FGGY: variants seen among roughly 807,000 people sequenced by gnomAD.
The protein encoded by FGGY is FGGY carbohydrate kinase domain containing, also known as FGGY carbohydrate kinase domain-containing protein.
Under a neutral mutation model 71.3 loss-of-function variants are expected in FGGY, and 72 were observed. That is an observed-to-expected ratio of 1.01 (90% confidence interval 0.84 to 1.23). The LOEUF (loss-of-function observed/expected upper bound fraction) is 1.23, where lower values mean the gene tolerates loss of function less well. Ranked by LOEUF, FGGY falls within the 50% of genes most tolerant of loss-of-function variation. The pLI, the probability that FGGY is intolerant of heterozygous loss-of-function variation, is 0.00. For missense variants in FGGY, 668 were observed against 682.3 expected, an observed-to-expected ratio of 0.98 and a Z score of 0.23; for synonymous variants, 251 against 250.3, an observed-to-expected ratio of 1.00 and a Z score of -0.02.
intron 7 of FGGY, among the ~76,000 whole-genome samples, chr1:59,517,410 C>T (rs1423102560): frequency 4.6e-5 from 7 of 150,870 alleles, no homozygotes; most frequent in East Asian, 1.9e-4. Context: ...GGACTACAGG[C>T]GCCCGCCACT....
At chr1:59,653,441 GAT>G in intron 11 of FGGY, among the ~76,000 whole-genome samples, 1 of 152,212 alleles carries the variant, frequency 6.6e-6, no homozygotes, top group Non-Finnish European at 1.5e-5. Context: ...CCAGGTGTGG[GAT>G]ATAGTCTCGT....
At chr1:59,621,016 GC>G (rs2096801239) in intron 9 of FGGY, among the ~76,000 whole-genome samples, 2 of 152,112 alleles carry the variant, frequency 1.3e-5, no homozygotes, top group African/African-American at 4.8e-5. Context: ...TGATCAAGGT[GC>G]TGGCAAATGC....
chr1:59,543,308 T>G (rs1160651783), intron 7 of FGGY, among the ~76,000 whole-genome samples: 1 of 152,188 alleles, frequency 6.6e-6, no homozygotes, highest in East Asian at 1.9e-4. Flanking sequence ...TCCGGTGGTG[T>G]GGGTCACCTT....
At chr1:59,351,217 A>G (rs992858920) in intron 4 of FGGY, among the ~76,000 whole-genome samples, 1 of 151,754 alleles carries the variant, frequency 6.6e-6, no homozygotes, top group Non-Finnish European at 1.5e-5. Flanking sequence ...GACAGAGACT[A>G]TGTCGCCTAC....
At chr1:59,690,621 C>A (rs2097580517) in intron 14 of FGGY, among the ~76,000 whole-genome samples, 3 of 152,132 alleles carry the variant, frequency 2.0e-5, no homozygotes, top group African/African-American at 7.2e-5. Context: ...ATATAAGGGT[C>A]CAAGTCTTAC....
chr1:59,715,706 A>G (rs1022871285), intron 14 of FGGY, among the ~76,000 whole-genome samples: 25 of 152,320 alleles, frequency 1.6e-4, no homozygotes, highest in African/African-American at 5.8e-4. Context: ...TCCATTATAT[A>G]CACAACAGCC....
chr1:59,434,737 C>G (rs932163034), intron 5 of FGGY, among the ~76,000 whole-genome samples: 9 of 152,094 alleles, frequency 5.9e-5, no homozygotes, highest in South Asian at 2.1e-4. Flanking sequence ...TTTCTGGGAT[C>G]CATTTTACAA....
At chr1:59,374,665 C>G (rs1159740007) in intron 4 of FGGY, among the ~76,000 whole-genome samples, 2 of 152,092 alleles carry the variant, frequency 1.3e-5, no homozygotes, top group African/African-American at 4.8e-5. Flanking sequence ...AAATGTCCAA[C>G]AATGATAGAC....
intron 6 of FGGY, among the ~76,000 whole-genome samples, chr1:59,500,932 G>A (rs2094205882): frequency 6.6e-6 from 1 of 152,176 alleles, no homozygotes; most frequent in South Asian, 2.1e-4. Context: ...TGGTTGGGAA[G>A]TGAAAAATTT....
chr1:59,445,777 A>T (rs2071095775), intron 5 of FGGY, among the ~76,000 whole-genome samples: 1 of 152,234 alleles, frequency 6.6e-6, no homozygotes, highest in Non-Finnish European at 1.5e-5. Context: ...ACGAGAAATT[A>T]AATACCTCAA....
intron 10 of FGGY, among the ~76,000 whole-genome samples, chr1:59,627,719 G>T (rs1197441881): frequency 6.6e-6 from 1 of 151,766 alleles, no homozygotes; most frequent in Non-Finnish European, 1.5e-5. Context: ...AGATGGCTGA[G>T]TCTACGCTGC....
chr1:59,585,489 C>A (rs921041155), intron 8 of FGGY, among the ~76,000 whole-genome samples: 2 of 152,176 alleles, frequency 1.3e-5, no homozygotes, highest in Non-Finnish European at 2.9e-5. Flanking sequence ...GAAACTGGAT[C>A]CCTTCCTTAC....
At chr1:59,569,645 A>G (rs2095945396) in intron 8 of FGGY, among the ~76,000 whole-genome samples, 1 of 152,222 alleles carries the variant, frequency 6.6e-6, no homozygotes, top group Non-Finnish European at 1.5e-5. Context: ...ATTGCTTAAT[A>G]GAAACCTCAC....
chr1:59,560,468 G>A (rs904336909), intron 8 of FGGY, among the ~76,000 whole-genome samples: 7 of 152,254 alleles, frequency 4.6e-5, no homozygotes, highest in Admixed American at 2.0e-4. Context: ...ATATATCAGT[G>A]TCATTCACTG....
intron 11 of FGGY, chr1:59,641,413 C>T: frequency 7.3e-7 from 1 of 1,361,496 alleles, no homozygotes; most frequent in Non-Finnish European, 1.0e-6. Flanking sequence ...TGAATACCTG[C>T]TATGTGCAGG....
intron 9 of FGGY, among the ~76,000 whole-genome samples, chr1:59,618,865 A>G (rs1271413592): frequency 6.6e-6 from 1 of 152,104 alleles, no homozygotes; most frequent in Non-Finnish European, 1.5e-5. Context: ...ATCTATGTAC[A>G]GATGTAGGTG....
chr1:59,306,643 C>A (rs1169776577), intron 1 of FGGY, among the ~76,000 whole-genome samples: 1 of 152,176 alleles, frequency 6.6e-6, no homozygotes, highest in Non-Finnish European at 1.5e-5. Flanking sequence ...TCAGCTAGAG[C>A]TCTCCATTGC....
chr1:59,646,528 A>T (rs1231046513), intron 11 of FGGY, among the ~76,000 whole-genome samples: 1 of 150,032 alleles, frequency 6.7e-6, no homozygotes, highest in South Asian at 2.1e-4. Flanking sequence ...ATAAATTTAC[A>T]TATTTATATT....
intron 6 of FGGY, among the ~76,000 whole-genome samples, chr1:59,500,929 G>A (rs1000313544): frequency 2.6e-4 from 39 of 152,126 alleles, no homozygotes; most frequent in African/African-American, 8.9e-4. Flanking sequence ...ATCTGGTTGG[G>A]AAGTGAAAAA....
Sources: allele counts gnomAD v4.1 joint callset (sites outside exome capture counted in the v4.1 genomes callset), GRCh38; gene constraint gnomAD v4.1.1; transcripts MANE v1.5; gene names NCBI Gene and HGNC (gene_info 2026-07-23, HGNC 2026-07-21).